NPAS3: variants seen among roughly 807,000 people sequenced by gnomAD.
The protein encoded by NPAS3 is neuronal PAS domain-containing protein 3.
In NPAS3, 14 loss-of-function variants were observed where a neutral mutation model predicts 73.1. The observed-to-expected ratio is 0.19, with a 90% CI of 0.13 to 0.30. The LOEUF (loss-of-function observed/expected upper bound fraction) is 0.30. NPAS3 is among the 10% of genes least tolerant of loss of function. The probability of loss-of-function intolerance (pLI) is 1.00; values close to 1 mark genes in which losing one functional copy is unlikely to be tolerated. For synonymous variants in NPAS3, 620 were observed against 541.5 expected, an observed-to-expected ratio of 1.14 and a Z score of -2.01; for missense variants, 1,096 against 1,250.0, an observed-to-expected ratio of 0.88 and a Z score of 1.86.
At chr14:33,220,148 C>T (rs11624892) in intron 3 of NPAS3, among the ~76,000 whole-genome samples, 1 of 152,016 alleles carries the variant, frequency 6.6e-6, no homozygotes, top group Non-Finnish European at 1.5e-5. Context: ...GCAGGAGCCT[C>T]CTACAGGGCT....
At chr14:33,620,649 CA>C (rs1180769911) in intron 5 of NPAS3, among the ~76,000 whole-genome samples, 3 of 152,060 alleles carry the variant, frequency 2.0e-5, no homozygotes, top group African/African-American at 7.2e-5. Context: ...AAATTAATTT[CA>C]AAAATCAACA....
intron 3 of NPAS3, among the ~76,000 whole-genome samples, chr14:33,255,514 A>G (rs2048746016): frequency 6.6e-6 from 1 of 152,160 alleles, no homozygotes; most frequent in Non-Finnish European, 1.5e-5. Flanking sequence ...CTGTGAAACC[A>G]CTTAAAGTGT....
At chr14:33,243,848 T>C (rs243284) in intron 3 of NPAS3, among the ~76,000 whole-genome samples, 65,691 of 151,818 alleles carry the variant, frequency 0.43, 15,025 homozygotes, top group South Asian at 0.63. Flanking sequence ...AAAACAGATA[T>C]TTTGGTGACA....
At chr14:33,655,300 A>T (rs1244397891) in intron 5 of NPAS3, among the ~76,000 whole-genome samples, 1 of 149,496 alleles carries the variant, frequency 6.7e-6, no homozygotes, top group East Asian at 2.0e-4. Context: ...AATAAAAACT[A>T]GCCCAACTTT....
chr14:33,492,920 C>A (rs1476233781), intron 4 of NPAS3, among the ~76,000 whole-genome samples: 1 of 152,130 alleles, frequency 6.6e-6, no homozygotes, highest in East Asian at 1.9e-4. Context: ...TTGATCTTAA[C>A]CTGTCACTAT....
intron 3 of NPAS3, among the ~76,000 whole-genome samples, chr14:33,280,946 A>C (rs893266806): frequency 6.6e-6 from 1 of 152,196 alleles, no homozygotes; most frequent in Admixed American, 6.5e-5. Context: ...TAAAATACCA[A>C]AACTTAATGT....
At chr14:33,568,703 A>G (rs536375444) in intron 5 of NPAS3, among the ~76,000 whole-genome samples, 1 of 152,356 alleles carries the variant, frequency 6.6e-6, no homozygotes, top group South Asian at 2.1e-4. Context: ...ACATAAGAAG[A>G]TAAGGTTTCA....
chr14:33,460,568 C>A (rs1015197973), intron 4 of NPAS3, among the ~76,000 whole-genome samples: 1 of 152,140 alleles, frequency 6.6e-6, no homozygotes, highest in Non-Finnish European at 1.5e-5. Context: ...TTTCCTACAA[C>A]GTCCTAAATC....
chr14:33,369,098 G>A (rs187012934), intron 4 of NPAS3, among the ~76,000 whole-genome samples: 6 of 152,172 alleles, frequency 3.9e-5, no homozygotes, highest in African/African-American at 1.2e-4. Context: ...AATATATAAT[G>A]TAAAATGGCT....
intron 6 of NPAS3, among the ~76,000 whole-genome samples, chr14:33,699,061 G>C (rs2060461634): frequency 6.6e-6 from 1 of 152,188 alleles, no homozygotes; most frequent in Non-Finnish European, 1.5e-5. Flanking sequence ...CACAGAGGTG[G>C]CCTGTGAGAC....
chr14:33,262,351 T>C (rs1292124443), intron 3 of NPAS3, among the ~76,000 whole-genome samples: 1 of 152,232 alleles, frequency 6.6e-6, no homozygotes, highest in Non-Finnish European at 1.5e-5. Context: ...TTTTGCTCCA[T>C]TGTTTTAGAT....
intron 7 of NPAS3, among the ~76,000 whole-genome samples, chr14:33,760,859 G>A (rs1392169313): frequency 9.9e-5 from 15 of 152,178 alleles, no homozygotes; most frequent in South Asian, 8.3e-4. Context: ...GTAATATTTC[G>A]GCACTAATGA....
chr14:33,528,860 T>C (rs566370921), intron 4 of NPAS3, among the ~76,000 whole-genome samples: 49 of 152,250 alleles, frequency 3.2e-4, no homozygotes, highest in Admixed American at 3.2e-3. Flanking sequence ...CGGTCACGTG[T>C]CACATCATTT....
chr14:33,033,963 A>G (rs913165559), intron 1 of NPAS3, among the ~76,000 whole-genome samples: 4 of 152,222 alleles, frequency 2.6e-5, no homozygotes, highest in Non-Finnish European at 4.4e-5. Flanking sequence ...TGAAAACACA[A>G]TATCAAAAAC....
chr14:33,765,548 A>G (rs920400039), intron 7 of NPAS3, among the ~76,000 whole-genome samples: 1 of 152,156 alleles, frequency 6.6e-6, no homozygotes, highest in Admixed American at 6.5e-5. Flanking sequence ...GAGCGTGCAC[A>G]GGAAATATGC....
chr14:33,182,560 A>G (rs2045834416), intron 2 of NPAS3, among the ~76,000 whole-genome samples: 1 of 152,218 alleles, frequency 6.6e-6, no homozygotes, highest in Non-Finnish European at 1.5e-5. Context: ...ATTTGCTAGT[A>G]CAATTTTATT....
chr14:33,113,397 T>G (rs911040360), intron 2 of NPAS3, among the ~76,000 whole-genome samples: 25 of 152,174 alleles, frequency 1.6e-4, no homozygotes, highest in African/African-American at 4.6e-4. Flanking sequence ...CCTTGTAAGT[T>G]GGATTCCTAG....
intron 2 of NPAS3, among the ~76,000 whole-genome samples, chr14:33,147,878 C>T (rs1476101186): frequency 6.6e-6 from 1 of 151,496 alleles, no homozygotes; most frequent in East Asian, 1.9e-4. Context: ...ATTATAAATA[C>T]AGTAAGAAAA....
At chr14:33,560,973 A>G (rs560132627) in intron 5 of NPAS3, among the ~76,000 whole-genome samples, 2 of 152,352 alleles carry the variant, frequency 1.3e-5, no homozygotes, top group Middle Eastern at 3.4e-3. Flanking sequence ...TGTTTTCTCC[A>G]TAAAAATGCT....
Sources: allele counts gnomAD v4.1 joint callset (sites outside exome capture counted in the v4.1 genomes callset), GRCh38; gene constraint gnomAD v4.1.1; transcripts MANE v1.5; gene names NCBI Gene and HGNC (gene_info 2026-07-23, HGNC 2026-07-21).